DHTKD1: variants seen among roughly 807,000 people sequenced by gnomAD.
DHTKD1 encodes the protein dehydrogenase E1 and transketolase domain containing 1, also known as 2-oxoadipate dehydrogenase complex component E1.
Under a neutral mutation model 101.8 loss-of-function variants are expected in DHTKD1, and 78 were observed. The ratio of observed to expected loss-of-function variants is 0.77; its 90% CI spans 0.64 to 0.93. DHTKD1 has a LOEUF of 0.93. Ranked by LOEUF, DHTKD1 falls within the 40% of genes least tolerant of loss-of-function variation. The pLI is 0.00. For missense variants in DHTKD1, 1,223 were observed against 1,161.7 expected, an observed-to-expected ratio of 1.05 and a Z score of -0.77; for synonymous variants, 462 against 450.3, an observed-to-expected ratio of 1.03 and a Z score of -0.33.
At chr10:12,120,309 G>T (rs759657414) in intron 16 of DHTKD1, 42 bp downstream of exon 16, 10 of 1,495,462 alleles carry the variant, frequency 6.7e-6, no homozygotes, top group African/African-American at 5.6e-5. Context: ...TGTTTTGTGT[G>T]CATGTTGTTT....
At chr10:12,078,893 G>C (rs1329927299) in intron 1 of DHTKD1, among the ~76,000 whole-genome samples, 8 of 152,054 alleles carry the variant, frequency 5.3e-5, no homozygotes, top group Admixed American at 4.6e-4. Context: ...TTGAACTCCT[G>C]ACCTCAAGTG....
At chr10:12,085,188 T>C (rs1832879175) in intron 3 of DHTKD1, among the ~76,000 whole-genome samples, 1 of 152,084 alleles carries the variant, frequency 6.6e-6, no homozygotes, top group African/African-American at 2.4e-5. Context: ...TGCACACCTA[T>C]AATCCCAGCT....
chr10:12,112,075 G>A lies in DHTKD1; in HGVS notation c.2155-825G>A, dbSNP rs1475611998. On this transcript the variant is annotated intron_variant, in intron 12 of 16. Transcript: ENST00000263035. ...CATGCCTGTAATCCCAGCACTTTGG[G>A]TGGCTGAGGCGGGAGGATCGCTTGA... 5.9e-5 allele frequency among the ~76,000 whole-genome samples: 9 copies of A among 152,218 alleles called. No homozygotes were observed. The South Asian group carries it at 1.0e-3, about 18-fold the overall frequency.
rs745432268 is a variant in DHTKD1 at position 12,107,995 on chromosome 10, C to T, written c.2134C>T (p.Arg712Ter). ...DGAGPDHSSC[R>*]IERFLQMCDS... ...GGCTGGGCCAGACCACTCATCCTGT[C>T]GAATAGAGCGTTTCCTGCAGGTAAG... The change falls in exon 12 of 17, where the codon CGA becomes TGA. Residue 712 changes from arginine (R) to a stop codon, truncating the protein, a stop_gained. Coordinates refer to ENST00000263035, the MANE Select transcript of DHTKD1 (RefSeq NM_018706.7). LOFTEE classifies it high-confidence loss of function. This position sits in a 1 kb window ranked among gnomAD's most constrained non-coding sequence, Gnocchi z 4.1. 37 of 1,613,454 alleles carry T rather than the reference C, an allele frequency of 2.3e-5. No individual in the cohort carries two copies. The East Asian group carries it at 4.9e-4, about 21-fold the overall frequency.
intron 1 of DHTKD1, among the ~76,000 whole-genome samples, chr10:12,080,735 AAAG>A (rs939311319): frequency 3.3e-5 from 5 of 151,806 alleles, no homozygotes; most frequent in African/African-American, 7.3e-5. Context: ...AAAAGAAGAA[AAAG>A]AAGAAGTTTG....
In DHTKD1 at chr10:12,107,956, C is replaced by A; in HGVS notation, c.2095C>A (p.His699Asn). The change falls in exon 12 of 17, where the codon CAT becomes AAT. Residue 699 changes from histidine (H) to asparagine (N), a missense_variant. Physicochemically the swap from His to Asn is moderately conservative, Grantham distance 68 (BLOSUM62 1). Coordinates refer to ENST00000263035, the MANE Select transcript of DHTKD1 (RefSeq NM_018706.7). This position sits in a 1 kb window ranked among gnomAD's most constrained non-coding sequence, Gnocchi z 4.1. ...LQSGIVILLP[H>N]GYDGAGPDHS... ...AAGCGGCATCGTCATCCTCCTTCCACATGGCTACGATGGGGCTGGGCCAGA... is the reference window on the plus strand; with the variant it reads ...AAGCGGCATCGTCATCCTCCTTCCAAATGGCTACGATGGGGCTGGGCCAGA... 1 of 1,614,102 alleles carries A rather than the reference C, an allele frequency of 6.2e-7. No homozygotes were observed. The highest frequency in any genetic ancestry group is 8.5e-7 in the Non-Finnish European group (1 of 1,179,976).
chr10:12,115,764 C>CT (rs1402544473), intron 13 of DHTKD1, among the ~76,000 whole-genome samples: 2 of 151,840 alleles, frequency 1.3e-5, no homozygotes, highest in Non-Finnish European at 2.9e-5. Flanking sequence ...TGATGGGGCT[C>CT]TTTTTTTTCT....
chr10:12,087,523 G>C lies in DHTKD1; in HGVS notation c.523-12G>C, dbSNP rs758435305. The C allele has an allele frequency of 6.3e-7, 1 of 1,580,138 alleles. No individual in the cohort carries two copies. The highest frequency in any genetic ancestry group is 8.6e-7 in the Non-Finnish European group (1 of 1,162,038). ...TCTCCTGGCAGCTCACGTCTGACATGATGTTCTGCAGGAGTTTGACCACTT... is the reference window on the plus strand; with the variant it reads ...TCTCCTGGCAGCTCACGTCTGACATCATGTTCTGCAGGAGTTTGACCACTT... On this transcript the variant is annotated splice_polypyrimidine_tract_variant and intron_variant, in intron 3 of 16. Coordinates refer to ENST00000263035, the MANE Select transcript of DHTKD1 (RefSeq NM_018706.7). This position sits in a 1 kb window ranked among gnomAD's most constrained non-coding sequence, Gnocchi z 5.2.
chr10:12,100,454 G>T (rs553733640), intron 9 of DHTKD1, among the ~76,000 whole-genome samples, 192 bp downstream of exon 9: 1 of 151,052 alleles, frequency 6.6e-6, no homozygotes, highest in Non-Finnish European at 1.5e-5. Flanking sequence ...TAGTAGAGAC[G>T]GGGTTTCACT....
intron 7 of DHTKD1, 125 bp from the exon 8 acceptor site, chr10:12,097,559 C>A: frequency 1.2e-6 from 1 of 802,034 alleles, no homozygotes; most frequent in Non-Finnish European, 1.9e-6. Flanking sequence ...TAGGTGTGAG[C>A]CACTGCACCT....
At chr10:12,069,310 G>GGGT in intron 1 of DHTKD1, 123 bp downstream of exon 1, 1 of 475,254 alleles carries the variant, frequency 2.1e-6, no homozygotes. Context: ...GGCCGGTGGG[G>GGGT]AGGAGGGGGA....
At chr10:12,114,996 T>C (rs1483843085) in intron 13 of DHTKD1, among the ~76,000 whole-genome samples, 11 of 151,872 alleles carry the variant, frequency 7.2e-5, no homozygotes, top group Non-Finnish European at 1.5e-4. Context: ...AGGGTTTCAC[T>C]GTGTTAGCCA....
At chr10:12,086,345 C>CAAA (rs1170654795) in intron 3 of DHTKD1, among the ~76,000 whole-genome samples, 1 of 149,996 alleles carries the variant, frequency 6.7e-6, no homozygotes, top group Non-Finnish European at 1.5e-5. Context: ...CTCAGCCTCC[C>CAAA]AAGTAGCTGG....
intron 1 of DHTKD1, among the ~76,000 whole-genome samples, chr10:12,079,125 C>G (rs1036100203): frequency 5.9e-5 from 9 of 152,010 alleles, no homozygotes; most frequent in African/African-American, 2.2e-4. Flanking sequence ...ATCTTGCTCT[C>G]TCACCCAGGC....
intron 16 of DHTKD1, chr10:12,120,508 T>A (rs780517951): frequency 4.3e-5 from 22 of 517,296 alleles, no homozygotes; most frequent in Non-Finnish European, 7.0e-5. Flanking sequence ...TAAATTTTTT[T>A]TGTATTTTTA....
Position 12,068,963 on chromosome 10 carries a change from C to T in DHTKD1, c.-71C>T. 4 of 1,581,116 alleles carry T rather than the reference C, an allele frequency of 2.5e-6. No homozygotes were observed. Among genetic ancestry groups the T allele is most frequent in the Non-Finnish European group, 3.4e-6 (4 of 1,161,142 alleles). On this transcript the variant is annotated 5_prime_UTR_variant, in exon 1 of 17. Transcript: ENST00000263035. ...GGCTCCGGCCGCCTCTGACGAGTCCCGGATTTACCAGGGCCGGTGGGATCC... is the reference window on the plus strand; with the variant it reads ...GGCTCCGGCCGCCTCTGACGAGTCCTGGATTTACCAGGGCCGGTGGGATCC...
chr10:12,096,399 T>G (rs1182836068), intron 7 of DHTKD1, among the ~76,000 whole-genome samples: 1 of 152,184 alleles, frequency 6.6e-6, no homozygotes, highest in African/African-American at 2.4e-5. Context: ...TTTATTTATT[T>G]TTTTGAGACA....
intron 13 of DHTKD1, among the ~76,000 whole-genome samples, chr10:12,113,370 G>C (rs900871160): frequency 6.6e-6 from 1 of 151,968 alleles, no homozygotes; most frequent in African/African-American, 2.4e-5. Flanking sequence ...GCTAATTTTT[G>C]TATTTTTAGT....
Position 12,069,077 on chromosome 10 carries a change from G to T in DHTKD1, c.44G>T (p.Arg15Leu), listed in dbSNP as rs1234176599. The T allele has an allele frequency of 6.2e-7, 1 of 1,612,910 alleles. No homozygotes were observed. Among genetic ancestry groups the T allele is most frequent in the Non-Finnish European group, 8.5e-7 (1 of 1,179,622 alleles). The stretch of plus-strand genomic sequence containing the variant: ...GCAGCAGCACGACGGGGCCTCGGCC[G>T]GGCTCTCCCTCTCTTCTGGCGTGGC... Reference protein sequence around the residue: ...TAAAARRGLGRALPLFWRGYQ... With the variant: ...TAAAARRGLGLALPLFWRGYQ... The change falls in exon 1 of 17, where the codon CGG (arginine) becomes CTG (leucine). Residue 15 changes from arginine to leucine, a missense_variant. Transcript: ENST00000263035.
Sources: gnomAD v4.1 joint callset for allele counts (sites outside exome capture counted in the v4.1 genomes callset) on GRCh38, gnomAD v4.1.1 for gene constraint, Gnocchi (gnomAD v3.1) non-coding constraint, MANE v1.5 for transcripts, NCBI Gene and HGNC (gene_info 2026-07-23, HGNC 2026-07-21) for gene names.